Variants in AUTS2 observed in about 807,000 individuals in gnomAD.
AUTS2 encodes autism susceptibility gene 2 protein.
Under a neutral mutation model 112.4 loss-of-function variants are expected in AUTS2, and 17 were observed. That is an observed-to-expected ratio of 0.15 (90% CI 0.10 to 0.23). The LOEUF is 0.23. Among genes scored for constraint, AUTS2 ranks in the 10% least tolerant of loss-of-function variants. The probability of loss-of-function intolerance (pLI) is 1.00; values close to 1 mark genes in which losing one functional copy is unlikely to be tolerated. For missense variants in AUTS2, 1,510 were observed against 1,701.6 expected (o/e 0.89, Z 1.98); for synonymous variants, 751 against 702.7 (o/e 1.07, Z -1.09).
intron 4 of AUTS2, among the ~76,000 whole-genome samples, chr7:70,340,125 C>G (rs1384055756): frequency 6.6e-6 from 1 of 151,184 alleles, no homozygotes; most frequent in East Asian, 1.9e-4. Context: ...TAGTTTTTCT[C>G]TCCTATGACT....
At chr7:70,331,336 G>A (rs1460684527) in intron 4 of AUTS2, among the ~76,000 whole-genome samples, 1 of 152,120 alleles carries the variant, frequency 6.6e-6, no homozygotes, top group African/African-American at 2.4e-5. Context: ...TATTTGCATA[G>A]AGGTATTTAT....
At chr7:70,290,774 A>G (rs551581683) in intron 4 of AUTS2, 8 of 636,800 alleles carry the variant, frequency 1.3e-5, no homozygotes, top group Non-Finnish European at 1.7e-5. Context: ...AATAAATTAG[A>G]TTTTTTAAAA....
intron 5 of AUTS2, among the ~76,000 whole-genome samples, chr7:70,535,894 C>A (rs1349600087): frequency 6.6e-6 from 1 of 152,154 alleles, no homozygotes; most frequent in East Asian, 1.9e-4. Context: ...ATACTGTAAG[C>A]AGAGCAACTG....
intron 5 of AUTS2, among the ~76,000 whole-genome samples, chr7:70,550,331 G>A (rs915564820): frequency 2.0e-5 from 3 of 152,068 alleles, no homozygotes; most frequent in African/African-American, 4.8e-5. Context: ...TGTTAGTGTC[G>A]ACCCATTATT....
intron 6 of AUTS2, among the ~76,000 whole-genome samples, chr7:70,752,971 C>A (rs149686839): frequency 6.6e-6 from 1 of 152,232 alleles, no homozygotes; most frequent in Non-Finnish European, 1.5e-5. Context: ...GATACACCCC[C>A]CTTGAAGGCA....
Position 70,763,107 on chromosome 7 carries a change from G to C in AUTS2, c.980G>C (p.Arg327Pro), listed in dbSNP as rs146706542. Reference sequence around the variant, plus strand: ...TCTCCGGACCCTGACTTGGTGCAGCGCACAGAGGCCCCACCTCAACCCCCA... The same window carrying C: ...TCTCCGGACCCTGACTTGGTGCAGCCCACAGAGGCCCCACCTCAACCCCCA... ...APSPDPDLVQ[R>P]TEAPPQPPPL... The change falls in exon 7 of 19, where the codon CGC becomes CCC. Residue 327 changes from arginine (R) to proline (P), a missense_variant. Physicochemically the swap from Arg to Pro is moderately radical, Grantham distance 103. This residue lies in a region of AUTS2 where 535 missense variants were observed against 594.3 expected (regional missense o/e 0.90). Coordinates refer to ENST00000342771, the MANE Select transcript of AUTS2 (RefSeq NM_015570.4). 3.3e-5 allele frequency: 54 copies of C among 1,613,982 alleles called. No homozygotes were observed. In the African/African-American group the frequency reaches 6.5e-4, roughly 20 times the overall value.
intron 1 of AUTS2, among the ~76,000 whole-genome samples, chr7:69,619,895 G>A (rs1267413085): frequency 6.6e-6 from 1 of 152,188 alleles, no homozygotes; most frequent in Non-Finnish European, 1.5e-5. Context: ...AAAAAGATGT[G>A]TAACTGTAAT....
At chr7:70,391,377 G>A (rs1290960233) in intron 4 of AUTS2, among the ~76,000 whole-genome samples, 2 of 152,148 alleles carry the variant, frequency 1.3e-5, no homozygotes. Context: ...TTGGTTATTT[G>A]AATGAATATT....
chr7:70,621,478 T>C (rs1197238647), intron 5 of AUTS2, among the ~76,000 whole-genome samples: 1 of 152,234 alleles, frequency 6.6e-6, no homozygotes, highest in Non-Finnish European at 1.5e-5. Flanking sequence ...TTTCGCCTCA[T>C]GTGTAGGTTT....
chr7:70,447,627 T>C (rs1243439700), intron 5 of AUTS2, among the ~76,000 whole-genome samples: 3 of 152,216 alleles, frequency 2.0e-5, no homozygotes, highest in Admixed American at 6.5e-5. Flanking sequence ...GGCAGTGCTC[T>C]TAGCCGCTAA....
At position 70,079,603 on chromosome 7, in the gene AUTS2, A is replaced by G. The variant is rs535021698; in HGVS notation, c.523-38529A>G. Among the ~76,000 whole-genome samples, 121 of 152,206 alleles carry G rather than the reference A, an allele frequency of 7.9e-4. No homozygotes were observed. In the Middle Eastern group the frequency reaches 0.027, roughly 34 times the overall value. ...TCATCACTTCCTTATTAGCTGCTAC[A>G]TTTTACTAATATCCATGACCTTGAG... On this transcript the variant is annotated intron_variant, in intron 2 of 18. Coordinates refer to ENST00000342771, the MANE Select transcript of AUTS2 (RefSeq NM_015570.4).
At chr7:70,411,630 A>C (rs1794779811) in intron 4 of AUTS2, among the ~76,000 whole-genome samples, 1 of 152,202 alleles carries the variant, frequency 6.6e-6, no homozygotes, top group Admixed American at 6.5e-5. Flanking sequence ...AACTTATAAA[A>C]TTCATTACAC....
rs200867539 is a variant in AUTS2, at chr7:70,053,544, G to GTTTTTTTT, written c.523-64583_523-64576dup. ...ATTGTGGCAACCACTGTTTTGGGTG[G>GTTTTTTTT]TTTTTTTTTTTTGGAGACAGGATCT... On this transcript the variant is annotated intron_variant, in intron 2 of 18. Transcript: ENST00000342771. Among the ~76,000 whole-genome samples, 27 of 127,848 alleles carry GTTTTTTTT rather than the reference G, an allele frequency of 2.1e-4. 1 individual carries two copies. Among genetic ancestry groups the GTTTTTTTT allele is most frequent in the African/African-American group, 7.4e-4 (24 of 32,328 alleles). 83.9% of individuals were successfully genotyped at this position (127,848 alleles called of 152,430 possible).
chr7:70,223,897 C>T (rs1172463071), intron 4 of AUTS2, among the ~76,000 whole-genome samples: 1 of 146,168 alleles, frequency 6.8e-6, no homozygotes, highest in East Asian at 2.0e-4. Context: ...AGGGGTCTTG[C>T]TATTTTGCCC....
intron 4 of AUTS2, among the ~76,000 whole-genome samples, chr7:70,410,595 T>C (rs1164617510): frequency 6.6e-6 from 1 of 151,616 alleles, no homozygotes; most frequent in Non-Finnish European, 1.5e-5. Context: ...GGCTAATTTT[T>C]GTATGCTTTG....
intron 1 of AUTS2, among the ~76,000 whole-genome samples, chr7:69,819,399 GTCTTCTATCTTCAGCAGTCC>G (rs1439712272): frequency 1.3e-5 from 2 of 152,178 alleles, no homozygotes; most frequent in Non-Finnish European, 2.9e-5. Context: ...AAGCACAGTT[GTCTTCTATCTTCAGCAGTCC>G]TCTAAACATT....
rs1276553029 is a variant in AUTS2, at chr7:69,948,337, A to G, written c.522+48839A>G. Reference sequence around the variant, plus strand: ...AAGATATTCTTTTACTCTTTTATCTACCTTGTTGGCAAGCATCCCCAAGAG... The same window carrying G: ...AAGATATTCTTTTACTCTTTTATCTGCCTTGTTGGCAAGCATCCCCAAGAG... On this transcript the variant is annotated intron_variant, in intron 2 of 18. Coordinates refer to ENST00000342771, the MANE Select transcript of AUTS2 (RefSeq NM_015570.4). 2.6e-5 allele frequency among the ~76,000 whole-genome samples: 4 copies of G among 152,162 alleles called. No individual in the cohort carries two copies. The East Asian group carries it at 7.7e-4, about 29-fold the overall frequency.
intron 2 of AUTS2, among the ~76,000 whole-genome samples, chr7:70,105,359 G>A (rs12698850): frequency 0.26 from 39,084 of 151,908 alleles, 5,020 homozygotes; most frequent in Middle Eastern, 0.33. Context: ...TCCTGGGCTC[G>A]GGCAATCCTC....
intron 5 of AUTS2, among the ~76,000 whole-genome samples, chr7:70,459,478 G>T (rs2131177218): frequency 6.6e-6 from 1 of 152,264 alleles, no homozygotes; most frequent in Non-Finnish European, 1.5e-5. Flanking sequence ...CACTCCGATA[G>T]CTAAGCTGTC....
Sources: allele counts gnomAD v4.1 joint callset (sites outside exome capture counted in the v4.1 genomes callset), GRCh38; gene constraint gnomAD v4.1.1; regional missense constraint gnomAD v4.1.1; transcripts MANE v1.5; gene names NCBI Gene and HGNC (gene_info 2026-07-23, HGNC 2026-07-21).